Variants in NPAT observed in about 807,000 individuals in gnomAD.
NPAT encodes the protein nuclear protein, coactivator of histone transcription.
Under a neutral mutation model 130.7 loss-of-function variants are expected in NPAT, and 52 were observed. The ratio of observed to expected loss-of-function variants is 0.40; its 90% CI spans 0.32 to 0.50. NPAT has a LOEUF of 0.50. NPAT is among the 20% of genes least tolerant of loss of function. NPAT has a pLI of 0.68. For synonymous variants in NPAT, 580 were observed against 584.8 expected, an observed-to-expected ratio of 0.99 and a Z score of 0.12; for missense variants, 1,687 against 1,662.6, an observed-to-expected ratio of 1.01 and a Z score of -0.26.
intron 1 of NPAT, among the ~76,000 whole-genome samples, chr11:108,218,925 T>G (rs1213707076): frequency 6.6e-6 from 1 of 151,888 alleles, no homozygotes; most frequent in African/African-American, 2.4e-5. Flanking sequence ...AACAAAGGAG[T>G]GTCATAATCA....
chr11:108,221,039 T>C (rs2078484841), intron 1 of NPAT, among the ~76,000 whole-genome samples: 1 of 152,238 alleles, frequency 6.6e-6, no homozygotes, highest in Non-Finnish European at 1.5e-5. Context: ...AGCTGGTTTG[T>C]GGAGAAAGAA....
chr11:108,185,624 G>T, intron 8 of NPAT, 130 bp from the exon 9 acceptor site: 1 of 693,170 alleles, frequency 1.4e-6, no homozygotes. Context: ...CAGAAGTTGT[G>T]ATGGCTCCCT....
rs138068557 is a variant in NPAT at position 108,188,397 on chromosome 11, G to A, written c.557-218C>T. Among the ~76,000 whole-genome samples, 11 of 152,090 alleles carry A rather than the reference G, an allele frequency of 7.2e-5. No individual in the cohort carries two copies. In the East Asian group the frequency reaches 2.1e-3, roughly 29 times the overall value. On this transcript the variant is annotated intron_variant, in intron 6 of 17. Coordinates refer to ENST00000278612, the MANE Select transcript of NPAT (RefSeq NM_002519.3). Reference sequence around the variant, plus strand: ...ACAATAAAATCCAAAGTACAATATAGTCTCAACAAAAAATAATACAGTAGA... The same window carrying A: ...ACAATAAAATCCAAAGTACAATATAATCTCAACAAAAAATAATACAGTAGA...
Position 108,161,401 on chromosome 11 carries a change from C to G in NPAT, c.3685G>C (p.Asp1229His). ...NVLSVGTAVK[D>H]LKQEQTKSAS... ...GATTTAGTTTGTTCTTGTTTTAGAT[C>G]CTTCACAGCTGTACCTACTGAAAGT... Residue 1229 changes from aspartate (D) to histidine (H), a missense_variant, in exon 17 of 18, where the codon GAT becomes CAT. Coordinates refer to ENST00000278612, the MANE Select transcript of NPAT (RefSeq NM_002519.3). 1 of 1,614,138 alleles carries G rather than the reference C, an allele frequency of 6.2e-7. No individual in the cohort carries two copies. Among genetic ancestry groups the G allele is most frequent in the Non-Finnish European group, 8.5e-7 (1 of 1,180,014 alleles).
rs771197757 is a variant in NPAT, at chr11:108,176,998, G to C, written c.999C>G (p.Asp333Glu). 6.2e-7 allele frequency: 1 copy of C among 1,600,566 alleles called. No individual in the cohort carries two copies. The highest frequency in any genetic ancestry group is 8.6e-7 in the Non-Finnish European group (1 of 1,167,966). ...TGAAATAAATAGTCTCCTTACCATA[G>C]TCAAAGAGATCAAAGAGTGCCTGAA... ...PAFQALFDLF[D>E]YGKTKNNKNI... The change falls in exon 11 of 18, where the codon GAC becomes GAG. Residue 333 changes from aspartate (D) to glutamate (E), a missense_variant. Physicochemically the swap from Asp to Glu is conservative, Grantham distance 45. Around this residue, in one of 3 missense-constraint regions of NPAT, gnomAD observed 1,379 missense variants for 1,346.6 expected, o/e 1.02. Coordinates refer to ENST00000278612, the MANE Select transcript of NPAT (RefSeq NM_002519.3).
At chr11:108,174,221 C>CT in intron 12 of NPAT, among the ~76,000 whole-genome samples, 1 of 152,226 alleles carries the variant, frequency 6.6e-6, no homozygotes, top group Non-Finnish European at 1.5e-5. Context: ...AATTTATCTA[C>CT]TGTCTCGGCC....
chr11:108,211,546 G>GAA lies in NPAT; in HGVS notation c.37+10952_37+10953dup, dbSNP rs200914423. ...TGACAGAGTGAGACCCTGTCTTCAG[G>GAA]AAAAAAAAAAAAAAAAATCCTTAAC... On this transcript the variant is annotated intron_variant, in intron 1 of 17. Transcript: ENST00000278612. Among the ~76,000 whole-genome samples the GAA allele has an allele frequency of 4.5e-5, 5 of 111,700 alleles. No homozygotes were observed. The East Asian group carries it at 9.8e-4, about 22-fold the overall frequency. The allele number at this position is 111,700 out of a possible 152,430, so 73.3% of individuals were successfully genotyped here.
In NPAT at chr11:108,161,686, C is replaced by A. The variant is rs980012888; in HGVS notation, c.3400G>T (p.Ala1134Ser). The A allele has an allele frequency of 1.7e-5, 28 of 1,613,918 alleles. No homozygotes were observed. Among genetic ancestry groups the A allele is most frequent in the Non-Finnish European group, 2.4e-5 (28 of 1,180,028 alleles). Reference sequence around the variant, plus strand: ...CTTATGGTGGTATGCCGGCTAATGGCACTTTCCGATTTAGATAAAATCTTA... The same window carrying A: ...CTTATGGTGGTATGCCGGCTAATGGAACTTTCCGATTTAGATAAAATCTTA... The part of the protein sequence containing the change: ...LPKILSKSES[A>S]ISRHTTIRET... The change falls in exon 17 of 18, where the codon GCC becomes TCC. Residue 1134 changes from alanine to serine, a missense_variant. Physicochemically the swap from Ala to Ser is moderately conservative, Grantham distance 99. This residue lies in a region of NPAT where 1,379 missense variants were observed against 1,346.6 expected (regional missense o/e 1.02). Transcript: ENST00000278612.
At chr11:108,163,662 A>C (rs944703402) in intron 15 of NPAT, among the ~76,000 whole-genome samples, 1 of 152,234 alleles carries the variant, frequency 6.6e-6, no homozygotes, top group African/African-American at 2.4e-5. Flanking sequence ...ATGTAGTTTG[A>C]AGGCCTTGAG....
chr11:108,211,735 A>G (rs1360011445), intron 1 of NPAT, among the ~76,000 whole-genome samples: 1 of 152,240 alleles, frequency 6.6e-6, no homozygotes, highest in Non-Finnish European at 1.5e-5. Flanking sequence ...TGGAAAAAGA[A>G]CTGAACAAAA....
At chr11:108,199,233 C>T (rs1050874229) in intron 1 of NPAT, among the ~76,000 whole-genome samples, 1 of 152,168 alleles carries the variant, frequency 6.6e-6, no homozygotes, top group Non-Finnish European at 1.5e-5. Context: ...AGTTTTTGGG[C>T]GCTGCTGTGT....
chr11:108,201,979 A>G (rs1165485665), intron 1 of NPAT, among the ~76,000 whole-genome samples: 1 of 152,162 alleles, frequency 6.6e-6, no homozygotes, highest in Non-Finnish European at 1.5e-5. Flanking sequence ...AGGGATCCAT[A>G]AAGCAGGGTA....
Position 108,173,534 on chromosome 11 carries a change from C to A in NPAT, c.1450G>T (p.Gly484Trp). The A allele has an allele frequency of 6.2e-7, 1 of 1,614,156 alleles. No homozygotes were observed. The highest frequency in any genetic ancestry group is 8.5e-7 in the Non-Finnish European group (1 of 1,180,024). The change falls in exon 13 of 18, where the codon GGG (glycine) becomes TGG (tryptophan). Residue 484 changes from glycine (G) to tryptophan (W), a missense_variant. Coordinates refer to ENST00000278612, the MANE Select transcript of NPAT (RefSeq NM_002519.3). ...QMSTETEMAI[G>W]IEKNSLSSNV... ...GAAGACAAAGAGTTCTTTTCAATCC[C>A]TATAGCCATTTCAGTTTCAGTGGAC...
chr11:108,168,400 T>C (rs1284416808), intron 15 of NPAT, among the ~76,000 whole-genome samples: 1 of 152,144 alleles, frequency 6.6e-6, no homozygotes, highest in Non-Finnish European at 1.5e-5. Flanking sequence ...ATAAAAATAA[T>C]ATAGAGTAGC....
At chr11:108,204,023 T>C (rs116285166) in intron 1 of NPAT, among the ~76,000 whole-genome samples, 319 of 152,324 alleles carry the variant, frequency 2.1e-3, no homozygotes, top group African/African-American at 7.5e-3. Context: ...CTGGGAACTC[T>C]TAGGCCTCTG....
rs568000751 is a variant in NPAT at position 108,198,926 on chromosome 11, G to T, written c.38-1506C>A. On this transcript the variant is annotated intron_variant, in intron 1 of 17. Transcript: ENST00000278612. Reference sequence around the variant, plus strand: ...ACAAGATCTCAGAACCTGCTGAATGGTGGGTGTGAAAGGAACTCTTAACAT... The same window carrying T: ...ACAAGATCTCAGAACCTGCTGAATGTTGGGTGTGAAAGGAACTCTTAACAT... Among the ~76,000 whole-genome samples the T allele has an allele frequency of 2.0e-5, 3 of 152,338 alleles. No individual in the cohort carries two copies. In the East Asian group the frequency reaches 5.8e-4, roughly 29 times the overall value.
chr11:108,212,652 A>T (rs1189199997), intron 1 of NPAT, among the ~76,000 whole-genome samples: 1 of 151,812 alleles, frequency 6.6e-6, no homozygotes, highest in Non-Finnish European at 1.5e-5. Flanking sequence ...AACAACAAAA[A>T]AACTATTAGA....
chr11:108,174,881 A>G (rs961892439), intron 12 of NPAT, among the ~76,000 whole-genome samples: 3 of 152,176 alleles, frequency 2.0e-5, no homozygotes, highest in African/African-American at 7.2e-5. Flanking sequence ...GGCCTCCCAA[A>G]TTGCTGGGAT....
Position 108,173,339 on chromosome 11 carries a change from G to T in NPAT, c.1645C>A (p.Gln549Lys). 6.2e-7 allele frequency: 1 copy of T among 1,612,868 alleles called. No individual in the cohort carries two copies. The highest frequency in any genetic ancestry group is 1.1e-5 in the South Asian group (1 of 91,004). Residue 549 changes from glutamine (Q) to lysine (K), a missense_variant, in exon 13 of 18, where the codon CAA (glutamine) becomes AAA (lysine). By Grantham distance (53) the Gln-to-Lys change is moderately conservative. This residue lies in a region of NPAT where 1,379 missense variants were observed against 1,346.6 expected (regional missense o/e 1.02). Transcript: ENST00000278612. Reference protein sequence around the residue: ...SLTGKPSKKSQFCENSNDTVK... With the variant: ...SLTGKPSKKSKFCENSNDTVK... ...GTATCATTAGAATTTTCACAAAATTGACTTTTTTTAGATGGCTTTCCAGTT... is the reference window on the plus strand; with the variant it reads ...GTATCATTAGAATTTTCACAAAATTTACTTTTTTTAGATGGCTTTCCAGTT...
Sources: allele counts gnomAD v4.1 joint callset (sites outside exome capture counted in the v4.1 genomes callset), GRCh38; gene constraint gnomAD v4.1.1; regional missense constraint gnomAD v4.1.1; transcripts MANE v1.5; gene names NCBI Gene and HGNC (gene_info 2026-07-23, HGNC 2026-07-21).